EIF6: variants seen among roughly 807,000 people sequenced by gnomAD.
EIF6 encodes B4 integrin interactor.
EIF6 carries 10 observed loss-of-function variants against 25.5 expected under a neutral mutation model. The ratio of observed to expected loss-of-function variants is 0.39; its 90% confidence interval spans 0.24 to 0.66. The LOEUF is 0.66. EIF6 is among the 30% of genes least tolerant of loss of function. The pLI is 0.45. For synonymous variants in EIF6, 122 were observed against 122.6 expected (o/e 1.00, Z 0.03); for missense variants, 246 against 315.4 (o/e 0.78, Z 1.67).
chr20:35,279,477 T>C, intron 6 of EIF6, 89 bp downstream of exon 6: 1 of 1,542,370 alleles, frequency 6.5e-7, no homozygotes, highest in Non-Finnish European at 8.8e-7. Flanking sequence ...ACTGGTAGGC[T>C]CCCATTCTAG....
At chr20:35,280,878 C>T (rs776966182) in intron 3 of EIF6, 49 bp from the exon 4 acceptor site, 1 of 1,596,908 alleles carries the variant, frequency 6.3e-7, no homozygotes, top group Admixed American at 1.7e-5. Flanking sequence ...CCTGCTGAGC[C>T]CTAGGGGCTG....
rs546977597 is a variant in EIF6 at position 35,279,585 on chromosome 20, G to A, written c.709C>T (p.Arg237Trp). The A allele has an allele frequency of 1.3e-5, 21 of 1,614,046 alleles. No individual in the cohort carries two copies. Among genetic ancestry groups the A allele is most frequent in the East Asian group, 2.2e-5 (1 of 44,874 alleles). The stretch of plus-strand genomic sequence containing the variant: ...AGGTACCTGTCAATGAGGGAATCCC[G>A]CATGCTGGTGGCAATGGTGCTAGGC... ...AQPSTIATSM[R>W]DSLIDSLT Residue 237 changes from arginine (R) to tryptophan (W), a missense_variant, in exon 6 of 7, where the codon CGG (arginine) becomes TGG (tryptophan). Physicochemically the swap from Arg to Trp is moderately radical, Grantham distance 101 (BLOSUM62 -3). Coordinates refer to ENST00000374450, the MANE Select transcript of EIF6 (RefSeq NM_002212.4).
Position 35,279,207 on chromosome 20 carries a change from C to G in EIF6, c.729-1G>C, listed in dbSNP as rs904714585. ...AACTTGGAAGGTGACTCAGGTGAGG[C>G]TGAAGAGAAAGGAAAGCGCACGGTC... On this transcript the variant is annotated splice_acceptor_variant, in intron 6 of 6. Transcript: ENST00000374450. LOFTEE classifies it high-confidence loss of function. 1 of 1,613,640 alleles carries G rather than the reference C, an allele frequency of 6.2e-7. No homozygotes were observed. Among genetic ancestry groups the G allele is most frequent in the Non-Finnish European group, 8.5e-7 (1 of 1,179,874 alleles).
chr20:35,281,820 C>A (rs1442545616), intron 3 of EIF6, among the ~76,000 whole-genome samples: 1 of 152,134 alleles, frequency 6.6e-6, no homozygotes, highest in Non-Finnish European at 1.5e-5. Context: ...AACTCTCATA[C>A]TGAGACAGGA....
intron 3 of EIF6, 145 bp from the exon 4 acceptor site, chr20:35,280,974 A>AC: frequency 1.1e-6 from 1 of 945,354 alleles, no homozygotes; most frequent in African/African-American, 1.7e-5. Context: ...GATCTGGAAA[A>AC]CACCCAGGGC....
intron 3 of EIF6, among the ~76,000 whole-genome samples, chr20:35,281,676 C>T (rs1447087736): frequency 1.3e-5 from 2 of 151,966 alleles, no homozygotes; most frequent in Admixed American, 1.3e-4. Context: ...GAACTCCTAA[C>T]CTCAGGTGAT....
In EIF6 at chr20:35,279,590, C is replaced by T; in HGVS notation, c.704G>A (p.Ser235Asn). The T allele has an allele frequency of 6.2e-7, 1 of 1,614,120 alleles. No individual in the cohort carries two copies. The highest frequency in any genetic ancestry group is 1.7e-5 in the Admixed American group (1 of 60,018). ...NEAQPSTIAT[S>N]MRDSLIDSLT Reference sequence around the variant, plus strand: ...CCTGTCAATGAGGGAATCCCGCATGCTGGTGGCAATGGTGCTAGGCTGGGC... The same window carrying T: ...CCTGTCAATGAGGGAATCCCGCATGTTGGTGGCAATGGTGCTAGGCTGGGC... The change falls in exon 6 of 7, where the codon AGC (serine) becomes AAC (asparagine). Residue 235 changes from serine (S) to asparagine (N), a missense_variant. Coordinates refer to ENST00000374450, the MANE Select transcript of EIF6 (RefSeq NM_002212.4).
chr20:35,279,572 A>G lies in EIF6; in HGVS notation c.722T>C (p.Ile241Thr). Residue 241 changes from isoleucine (I) to threonine (T), a missense_variant, in exon 6 of 7, where the codon ATT (isoleucine) becomes ACT (threonine). Transcript: ENST00000374450. ...TIATSMRDSL[I>T]DSLT is the part of the protein sequence containing the mutation. Reference sequence around the variant, plus strand: ...AAGGAGAGGCCCCAGGTACCTGTCAATGAGGGAATCCCGCATGCTGGTGGC... The same window carrying G: ...AAGGAGAGGCCCCAGGTACCTGTCAGTGAGGGAATCCCGCATGCTGGTGGC... The G allele has an allele frequency of 6.2e-7, 1 of 1,614,030 alleles. No individual in the cohort carries two copies. Among genetic ancestry groups the G allele is most frequent in the Non-Finnish European group, 8.5e-7 (1 of 1,180,010 alleles).
Position 35,280,115 on chromosome 20 carries a change from T to C in EIF6, c.373A>G (p.Thr125Ala). The change falls in exon 5 of 7, where the codon ACA becomes GCA. Residue 125 changes from threonine (T) to alanine (A), a missense_variant. Coordinates refer to ENST00000374450, the MANE Select transcript of EIF6 (RefSeq NM_002212.4). ...AGCACATCTGCCAGAATTTCTTCTGTCTCCTGTCAATCAAAGATATTGTGT... is the reference window on the plus strand; with the variant it reads ...AGCACATCTGCCAGAATTTCTTCTGCCTCCTGTCAATCAAAGATATTGTGT... ...ALVHPDLDRETEEILADVLKV... is the reference protein window; with the variant it reads ...ALVHPDLDREAEEILADVLKV... 6.2e-7 allele frequency: 1 copy of C among 1,613,912 alleles called. No homozygotes were observed. Among genetic ancestry groups the C allele is most frequent in the Non-Finnish European group, 8.5e-7 (1 of 1,179,858 alleles).
chr20:35,281,698 G>A (rs940524498), intron 3 of EIF6, among the ~76,000 whole-genome samples: 12 of 151,962 alleles, frequency 7.9e-5, no homozygotes, highest in African/African-American at 2.4e-4. Context: ...CGCCCACCTC[G>A]ACCTCCCAAA....
chr20:35,284,268 G>A lies in EIF6; in HGVS notation c.108-7C>T. On this transcript the variant is annotated splice_polypyrimidine_tract_variant and splice_region_variant and intron_variant, in intron 2 of 6. Coordinates refer to ENST00000374450, the MANE Select transcript of EIF6 (RefSeq NM_002212.4). ...GAGCTCGCCCTCGAACACACTGTAG[G>A]GACATGGACTCGGTGGTGGCGGGGC... is the stretch of plus-strand genomic sequence containing the variant. The A allele has an allele frequency of 6.2e-7, 1 of 1,613,748 alleles. No individual in the cohort carries two copies. Among genetic ancestry groups the A allele is most frequent in the Non-Finnish European group, 8.5e-7 (1 of 1,180,016 alleles).
At chr20:35,284,086 A>G in intron 3 of EIF6, 90 bp downstream of exon 3, 2 of 1,447,358 alleles carry the variant, frequency 1.4e-6, no homozygotes, top group Non-Finnish European at 1.9e-6. Flanking sequence ...ATACCCTGGG[A>G]ATCCCTAGGT....
intron 6 of EIF6, 119 bp from the exon 7 acceptor site, chr20:35,279,325 C>T: frequency 1.4e-6 from 2 of 1,396,946 alleles, no homozygotes; most frequent in Non-Finnish European, 1.0e-6. Flanking sequence ...GCTCAAGCAG[C>T]TACTGCTCTA....
chr20:35,280,944 GC>G, intron 3 of EIF6, 115 bp from the exon 4 acceptor site: 2 of 1,237,402 alleles, frequency 1.6e-6, no homozygotes, highest in East Asian at 2.5e-5. Context: ...TAGGCCCAGA[GC>G]CCAGCCCTCC....
chr20:35,280,946 C>A, intron 3 of EIF6, 117 bp from the exon 4 acceptor site: 1 of 1,208,920 alleles, frequency 8.3e-7, no homozygotes, highest in South Asian at 1.4e-5. Context: ...GGCCCAGAGC[C>A]CAGCCCTCCA....
At position 35,279,628 on chromosome 20, in the gene EIF6, G is replaced by A. The variant is rs749948879; in HGVS notation, c.666C>T (p.Phe222=). Reference sequence around the variant, plus strand: ...TGCTAGGCTGGGCTTCATTCAGCTTGAAGACACTCTCCACCACTGACAGCT... The same window carrying A: ...TGCTAGGCTGGGCTTCATTCAGCTTAAAGACACTCTCCACCACTGACAGCT... ...STELSVVESV[F]KLNEAQPSTI... Residue 222 remains phenylalanine (F), a synonymous_variant, in exon 6 of 7, where the codon TTC becomes TTT. Transcript: ENST00000374450. 3.1e-6 allele frequency: 5 copies of A among 1,614,186 alleles called. No homozygotes were observed. Among genetic ancestry groups the A allele is most frequent in the Non-Finnish European group, 4.2e-6 (5 of 1,180,038 alleles).
At chr20:35,281,249 G>C (rs2060772304) in intron 3 of EIF6, among the ~76,000 whole-genome samples, 1 of 151,856 alleles carries the variant, frequency 6.6e-6, no homozygotes, top group South Asian at 2.1e-4. Flanking sequence ...AGCCAGGCGT[G>C]GTGGCGGGCG....
chr20:35,283,518 G>C (rs185539990), intron 3 of EIF6, among the ~76,000 whole-genome samples: 69 of 152,292 alleles, frequency 4.5e-4, no homozygotes, highest in African/African-American at 1.6e-3. Context: ...ACAAATCCTC[G>C]GCTGGGTATA....
At chr20:35,282,056 T>C (rs2060779957) in intron 3 of EIF6, among the ~76,000 whole-genome samples, 1 of 150,836 alleles carries the variant, frequency 6.6e-6, no homozygotes, top group Non-Finnish European at 1.5e-5. Context: ...TGGCACAATC[T>C]CGGCTCACTG....
Sources: allele counts gnomAD v4.1 joint callset (sites outside exome capture counted in the v4.1 genomes callset), GRCh38; gene constraint gnomAD v4.1.1; transcripts MANE v1.5; gene names NCBI Gene and HGNC (gene_info 2026-07-23, HGNC 2026-07-21).